The following LIMCH1 variants were observed in gnomAD, a reference collection of about 807,000 sequenced individuals.
LIMCH1 encodes LIM and calponin homology domains-containing protein 1.
A neutral mutation model predicts 176.5 loss-of-function variants in LIMCH1; 113 were observed. The observed-to-expected ratio is 0.64, with a 90% CI of 0.55 to 0.75. The LOEUF (loss-of-function observed/expected upper bound fraction) is 0.75, where lower values mean the gene tolerates loss of function less well. LIMCH1 is among the 30% of genes least tolerant of loss of function. The pLI, the probability that LIMCH1 is intolerant of heterozygous loss-of-function variation, is 0.00. For missense variants in LIMCH1, 1,674 were observed against 1,814.9 expected, an observed-to-expected ratio of 0.92 and a Z score of 1.41; for synonymous variants, 619 against 645.9, an observed-to-expected ratio of 0.96 and a Z score of 0.63.
chr4:41,460,458 C>CCATATATATATATATATATATATA (rs1554057132), intron 1 of LIMCH1, among the ~76,000 whole-genome samples: 15 of 110,546 alleles, frequency 1.4e-4, no homozygotes, highest in Admixed American at 6.1e-4. Flanking sequence ...TAGTAATCAT[C>CCATATATATATATATATATATATA]TATATATATA....
intron 18 of LIMCH1, among the ~76,000 whole-genome samples, 197 bp from the exon 19 acceptor site, chr4:41,661,223 C>T (rs1011735054): frequency 5.9e-5 from 9 of 151,980 alleles, no homozygotes; most frequent in African/African-American, 9.7e-5. Context: ...GATGGTGAAC[C>T]GCATGGGTGT....
chr4:41,662,214 G>A (rs1010285539), intron 19 of LIMCH1, among the ~76,000 whole-genome samples: 8 of 151,944 alleles, frequency 5.3e-5, no homozygotes, highest in African/African-American at 1.5e-4. Context: ...TAAAATAATA[G>A]CATTTACTTT....
intron 29 of LIMCH1, among the ~76,000 whole-genome samples, chr4:41,689,115 C>A (rs1207248755): frequency 6.6e-6 from 1 of 152,062 alleles, no homozygotes; most frequent in East Asian, 1.9e-4. Flanking sequence ...CTATAGTGGA[C>A]CAGTGAACCA....
intron 7 of LIMCH1, among the ~76,000 whole-genome samples, chr4:41,625,920 A>G (rs1487984710): frequency 6.6e-6 from 1 of 152,146 alleles, no homozygotes; most frequent in East Asian, 1.9e-4. Flanking sequence ...CTTGGACTTC[A>G]GGGGTTCAAG....
At chr4:41,368,047 A>G (rs2053376224) in intron 1 of LIMCH1, among the ~76,000 whole-genome samples, 1 of 152,192 alleles carries the variant, frequency 6.6e-6, no homozygotes, top group Non-Finnish European at 1.5e-5. Flanking sequence ...ATGAGTACAT[A>G]GCTATCTTTT....
At chr4:41,675,195 A>G (rs758371890) in intron 22 of LIMCH1, among the ~76,000 whole-genome samples, 1 of 152,198 alleles carries the variant, frequency 6.6e-6, no homozygotes, top group African/African-American at 2.4e-5. Context: ...AGCATTGCCC[A>G]CAGCCTGGCC....
chr4:41,636,929 G>T (rs2093619357), intron 13 of LIMCH1, among the ~76,000 whole-genome samples: 1 of 152,140 alleles, frequency 6.6e-6, no homozygotes, highest in Non-Finnish European at 1.5e-5. Context: ...TATATGTGTG[G>T]TATGTGCACT....
At chr4:41,526,831 C>T (rs2076709433) in intron 3 of LIMCH1, among the ~76,000 whole-genome samples, 1 of 152,220 alleles carries the variant, frequency 6.6e-6, no homozygotes, top group Non-Finnish European at 1.5e-5. Context: ...TGCACCAGTT[C>T]AGCTATCAAA....
chr4:41,650,377 A>G lies in LIMCH1; in HGVS notation c.2821-16A>G, dbSNP rs1344523644. 2 of 1,604,144 alleles carry G rather than the reference A, an allele frequency of 1.2e-6. No individual in the cohort carries two copies. The highest frequency in any genetic ancestry group is 2.7e-5 in the African/African-American group (2 of 74,596). On this transcript the variant is annotated splice_polypyrimidine_tract_variant and intron_variant, in intron 17 of 31. Coordinates refer to ENST00000503057, the MANE Select transcript of LIMCH1 (RefSeq NM_001330672.2). ...GGTATATATAGCATGTTTTTTGTTC[A>G]TTCTGGCTTTTATAGGTAGACGGGA...
intron 1 of LIMCH1, 110 bp from the exon 2 acceptor site, chr4:41,598,810 C>G: frequency 1.7e-6 from 1 of 593,226 alleles, no homozygotes. Context: ...ATGATTTAGA[C>G]CTGACCATAG....
At chr4:41,444,319 C>T (rs1352947973) in intron 1 of LIMCH1, among the ~76,000 whole-genome samples, 86 of 47,386 alleles carry the variant, frequency 1.8e-3, no homozygotes, top group African/African-American at 0.01. Context: ...TATATACACA[C>T]ACACACACAC....
chr4:41,399,132 G>A (rs529299975), intron 1 of LIMCH1, among the ~76,000 whole-genome samples: 17 of 152,278 alleles, frequency 1.1e-4, no homozygotes, highest in South Asian at 2.1e-4. Flanking sequence ...GGAAAGCAGA[G>A]GCATGGGATG....
chr4:41,633,518 T>G, intron 12 of LIMCH1, 30 bp from the exon 13 acceptor site: 2 of 1,531,388 alleles, frequency 1.3e-6, no homozygotes, highest in African/African-American at 1.4e-5. Context: ...GTAAGTGGCC[T>G]TTGACTGGCT....
chr4:41,600,485 G>T (rs1005026948), intron 2 of LIMCH1, among the ~76,000 whole-genome samples: 1 of 152,124 alleles, frequency 6.6e-6, no homozygotes, highest in African/African-American at 2.4e-5. Flanking sequence ...AGTGTCTGCA[G>T]CTGCATTCAT....
At chr4:41,448,653 G>A (rs1204079939) in intron 1 of LIMCH1, among the ~76,000 whole-genome samples, 2 of 151,780 alleles carry the variant, frequency 1.3e-5, no homozygotes, top group Non-Finnish European at 2.9e-5. Context: ...ACAGAGCTGT[G>A]CAAGCATCAC....
intron 1 of LIMCH1, among the ~76,000 whole-genome samples, chr4:41,489,991 G>A (rs2070456978): frequency 6.6e-6 from 1 of 151,988 alleles, no homozygotes; most frequent in African/African-American, 2.4e-5. Context: ...AATCATAAGG[G>A]ACAGAAAATC....
chr4:41,699,811 T>C lies in LIMCH1; in HGVS notation c.*2626T>C, dbSNP rs939692125. ...TAATGCAATACATATTATAGTTATCTATACACAGTGTAAGATTTAACAAAC... is the reference window on the plus strand; with the variant it reads ...TAATGCAATACATATTATAGTTATCCATACACAGTGTAAGATTTAACAAAC... On this transcript the variant is annotated 3_prime_UTR_variant, in exon 32 of 32. Coordinates refer to ENST00000503057, the MANE Select transcript of LIMCH1 (RefSeq NM_001330672.2). 2 of 152,196 alleles carry C rather than the reference T, an allele frequency of 1.3e-5. No individual in the cohort carries two copies. Among genetic ancestry groups the C allele is most frequent in the East Asian group, 3.8e-4 (2 of 5,202 alleles). The allele number at this position is 152,196 out of a possible 1,614,324, so 9.4% of individuals were successfully genotyped here. A position where few individuals can be genotyped will look rare whatever the true frequency, so the allele number is the denominator to read the frequency against.
In LIMCH1 at chr4:41,619,308, A is replaced by C; in HGVS notation, c.326A>C (p.Gln109Pro). ...CCGAAATCAGCAGTGCCTTTTAACC[A>C]GTACCTCCCGAACAAAAGCAATCAG... ...GEPKSAVPFN[Q>P]YLPNKSNQTA... The change falls in exon 6 of 32, where the codon CAG becomes CCG. Residue 109 changes from glutamine (Q) to proline (P), a missense_variant. This residue lies in a region of LIMCH1 where 655 missense variants were observed against 692.2 expected (regional missense o/e 0.95). Transcript: ENST00000503057. 1.9e-6 allele frequency: 3 copies of C among 1,614,210 alleles called. No homozygotes were observed. Among genetic ancestry groups the C allele is most frequent in the Non-Finnish European group, 2.5e-6 (3 of 1,180,034 alleles).
intron 14 of LIMCH1, 107 bp downstream of exon 14, chr4:41,639,074 T>TTAGC: frequency 1.2e-6 from 1 of 821,608 alleles, no homozygotes; most frequent in Non-Finnish European, 1.9e-6. Flanking sequence ...AACTGAATAG[T>TTAGC]TAGCTGACTT....
Sources: allele counts gnomAD v4.1 joint callset (sites outside exome capture counted in the v4.1 genomes callset), GRCh38; gene constraint gnomAD v4.1.1; regional missense constraint gnomAD v4.1.1; transcripts MANE v1.5; gene names NCBI Gene and HGNC (gene_info 2026-07-23, HGNC 2026-07-21).